CHL1: variants seen among roughly 807,000 people sequenced by gnomAD.
CHL1 encodes the protein neural cell adhesion molecule L1-like protein.
In CHL1, 96 loss-of-function variants were observed where a neutral mutation model predicts 141.9. The ratio of observed to expected loss-of-function variants is 0.68; its 90% CI spans 0.57 to 0.80. The LOEUF is 0.80. Ranked by LOEUF, CHL1 falls within the 30% of genes least tolerant of loss-of-function variation. CHL1 has a pLI of 0.00. For missense variants in CHL1, 1,820 were observed against 1,457.2 expected (o/e 1.25, Z -4.05); for synonymous variants, 613 against 502.2 (o/e 1.22, Z -2.95).
Position 408,833 on chromosome 3 carries a change from C to A in CHL1, c.*3122C>A, listed in dbSNP as rs1278630562. 2.0e-5 allele frequency: 3 copies of A among 151,982 alleles called. No homozygotes were observed. Among genetic ancestry groups the A allele is most frequent in the South Asian group, 2.1e-4 (1 of 4,832 alleles). The allele number at this position is 151,982 out of a possible 1,614,324, so 9.4% of individuals were successfully genotyped here. On this transcript the variant is annotated 3_prime_UTR_variant, in exon 28 of 28. Transcript: ENST00000256509. ...AAAATGTGAATTTGGTGGTTTTATT[C>A]TATCGGTATAAAGGCATTGATATTT... is the stretch of plus-strand genomic sequence containing the variant.
At chr3:282,164 G>C (rs449215) in intron 2 of CHL1, among the ~76,000 whole-genome samples, 1 of 151,790 alleles carries the variant, frequency 6.6e-6, no homozygotes, top group Admixed American at 6.6e-5. Context: ...TATTTTCTTA[G>C]TATCTGTTCT....
intron 2 of CHL1, among the ~76,000 whole-genome samples, chr3:303,368 T>A (rs1698934988): frequency 6.6e-6 from 1 of 152,196 alleles, no homozygotes; most frequent in South Asian, 2.1e-4. Flanking sequence ...ATTCTTCCTA[T>A]CCATGAGCAT....
chr3:232,130 GAGA>G (rs10583552), intron 1 of CHL1, among the ~76,000 whole-genome samples: 6,267 of 152,148 alleles, frequency 0.041, 430 homozygotes, highest in African/African-American at 0.14. Flanking sequence ...CTCCTTAACT[GAGA>G]AGGTTTTGGT....
chr3:382,707 ATTTG>A (rs960488059), intron 18 of CHL1, 36 bp downstream of exon 18: 5 of 1,552,582 alleles, frequency 3.2e-6, no homozygotes, highest in African/African-American at 2.7e-5. Context: ...CTAACAAAAT[ATTTG>A]TTTGTCCCCA....
At position 378,401 on chromosome 3, in the gene CHL1, C is replaced by G. The variant is rs369105462; in HGVS notation, c.1876+459C>G. Among the ~76,000 whole-genome samples, 118 of 152,228 alleles carry G rather than the reference C, an allele frequency of 7.8e-4. 1 individual carries two copies. In the South Asian group the frequency reaches 0.016, roughly 20 times the overall value. ...TCCAGGAAGGATGGAGAGGAACTTC[C>G]AGCATTCTACAAAGGAATGTCTTTG... On this transcript the variant is annotated intron_variant, in intron 16 of 27. Transcript: ENST00000256509.
At chr3:334,905 T>C (rs1282887559) in intron 5 of CHL1, among the ~76,000 whole-genome samples, 1 of 152,244 alleles carries the variant, frequency 6.6e-6, no homozygotes, top group Non-Finnish European at 1.5e-5. Context: ...ATTATATTTA[T>C]TTCATTGATT....
intron 5 of CHL1, among the ~76,000 whole-genome samples, chr3:330,687 T>C (rs1240514356): frequency 2.6e-5 from 4 of 152,200 alleles, no homozygotes; most frequent in Non-Finnish European, 5.9e-5. Flanking sequence ...AGAACGCCTA[T>C]AGTTTAGTTT....
At chr3:225,884 C>T (rs1441478310) in intron 1 of CHL1, among the ~76,000 whole-genome samples, 1 of 151,846 alleles carries the variant, frequency 6.6e-6, no homozygotes, top group African/African-American at 2.4e-5. Context: ...TGGCAGGCAC[C>T]TGTAGTCCCA....
At chr3:374,644 T>A (rs1575208081) in intron 15 of CHL1, among the ~76,000 whole-genome samples, 1 of 152,134 alleles carries the variant, frequency 6.6e-6, no homozygotes, top group Non-Finnish European at 1.5e-5. Flanking sequence ...CCAATTTCCC[T>A]AAACAAGTAA....
intron 1 of CHL1, chr3:197,486 C>G (rs2125304399): frequency 5.8e-6 from 1 of 173,154 alleles, no homozygotes; most frequent in Non-Finnish European, 1.3e-5. Flanking sequence ...CGAGGTCTAG[C>G]TGGTCTGGGG....
At chr3:310,017 C>G (rs867944683) in intron 2 of CHL1, among the ~76,000 whole-genome samples, 7 of 151,976 alleles carry the variant, frequency 4.6e-5, no homozygotes. Context: ...TGCCTCATTT[C>G]TTTTTTGAAA....
intron 2 of CHL1, among the ~76,000 whole-genome samples, chr3:244,915 A>C (rs1397653166): frequency 1.3e-5 from 2 of 152,126 alleles, no homozygotes; most frequent in African/African-American, 4.8e-5. Flanking sequence ...TGAAAGAGCA[A>C]AACCCTTACC....
chr3:286,706 T>C (rs1697189644), intron 2 of CHL1, among the ~76,000 whole-genome samples: 1 of 152,186 alleles, frequency 6.6e-6, no homozygotes, highest in South Asian at 2.1e-4. Flanking sequence ...CAGTTGCTTA[T>C]ACTTATTGTT....
At chr3:303,701 T>G (rs1030024546) in intron 2 of CHL1, among the ~76,000 whole-genome samples, 1 of 152,094 alleles carries the variant, frequency 6.6e-6, no homozygotes, top group Non-Finnish European at 1.5e-5. Context: ...GACTTCCTAT[T>G]TGAATACACT....
chr3:265,623 A>C (rs1302790514), intron 2 of CHL1, among the ~76,000 whole-genome samples: 2 of 152,220 alleles, frequency 1.3e-5, no homozygotes, highest in Non-Finnish European at 2.9e-5. Context: ...CTGAAATGTT[A>C]CTAGAATTCT....
intron 14 of CHL1, among the ~76,000 whole-genome samples, chr3:364,380 G>C (rs371090277): frequency 6.6e-6 from 1 of 152,116 alleles, no homozygotes; most frequent in East Asian, 1.9e-4. Context: ...ACTGAAGATG[G>C]TGATGATTGT....
At chr3:320,950 A>G (rs757237443) in intron 3 of CHL1, among the ~76,000 whole-genome samples, 3 of 151,964 alleles carry the variant, frequency 2.0e-5, no homozygotes, top group Non-Finnish European at 4.4e-5. Flanking sequence ...ATTGCAGGTG[A>G]TATTTGTGGA....
chr3:218,408 C>A (rs972257367), intron 1 of CHL1, among the ~76,000 whole-genome samples: 3 of 152,174 alleles, frequency 2.0e-5, no homozygotes, highest in Non-Finnish European at 4.4e-5. Context: ...GTTTGGATAT[C>A]TTTTTCCTTA....
At chr3:279,381 C>T (rs1431153743) in intron 2 of CHL1, among the ~76,000 whole-genome samples, 1 of 152,002 alleles carries the variant, frequency 6.6e-6, no homozygotes, top group Admixed American at 6.6e-5. Context: ...TTTTCTATAG[C>T]TAGTCTTTTT....
Sources: allele counts gnomAD v4.1 joint callset (sites outside exome capture counted in the v4.1 genomes callset), GRCh38; gene constraint gnomAD v4.1.1; transcripts MANE v1.5; gene names NCBI Gene and HGNC (gene_info 2026-07-23, HGNC 2026-07-21).